TSPAN32: variants seen among roughly 807,000 people sequenced by gnomAD.
The protein encoded by TSPAN32 is tetraspanin-32.
A neutral mutation model predicts 42.7 loss-of-function variants in TSPAN32; 47 were observed. That is an observed-to-expected ratio of 1.10 (90% CI 0.87 to 1.40). The LOEUF (loss-of-function observed/expected upper bound fraction) is 1.40, where lower values mean the gene tolerates loss of function less well. Among genes scored for constraint, TSPAN32 ranks in the 40% most tolerant of loss-of-function variants. The pLI is 0.00. For missense variants in TSPAN32, 469 were observed against 424.1 expected, an observed-to-expected ratio of 1.11 and a Z score of -0.93; for synonymous variants, 175 against 175.9, an observed-to-expected ratio of 0.99 and a Z score of 0.04.
intron 3 of TSPAN32, among the ~76,000 whole-genome samples, chr11:2,307,296 G>A (rs1236487956): frequency 3.3e-5 from 5 of 152,188 alleles, no homozygotes; most frequent in Non-Finnish European, 7.4e-5. Flanking sequence ...GTGGGTCTCC[G>A]TCTATCCCAC....
chr11:2,303,166 G>A, intron 2 of TSPAN32: 2 of 567,934 alleles, frequency 3.5e-6, no homozygotes, highest in South Asian at 4.1e-5. Flanking sequence ...TTCCTGCCTG[G>A]TTCTCGTGCC....
chr11:2,312,776 C>G (rs1227688055), intron 4 of TSPAN32, among the ~76,000 whole-genome samples: 1 of 152,180 alleles, frequency 6.6e-6, no homozygotes, highest in Non-Finnish European at 1.5e-5. Context: ...CTGCTGAGCA[C>G]CCCCTTCATG....
intron 4 of TSPAN32, chr11:2,309,323 C>T (rs528240845): frequency 1.0e-4 from 48 of 470,252 alleles, no homozygotes; most frequent in South Asian, 7.4e-4. Context: ...CGGAACAGCA[C>T]CCATCCTTCC....
chr11:2,302,732 T>C, intron 1 of TSPAN32, 112 bp from the exon 2 acceptor site: 1 of 825,180 alleles, frequency 1.2e-6, no homozygotes, highest in South Asian at 1.6e-5. Context: ...GCTGAGCCTG[T>C]CTCTCACGGG....
intron 6 of TSPAN32, 114 bp from the exon 7 acceptor site, chr11:2,316,115 G>C (rs568292959): frequency 3.0e-5 from 45 of 1,524,150 alleles, no homozygotes; most frequent in Non-Finnish European, 3.9e-5. Flanking sequence ...CCGCCGCCCT[G>C]CTGCCCTGGC....
intron 4 of TSPAN32, among the ~76,000 whole-genome samples, chr11:2,310,526 C>T (rs1258681233): frequency 6.6e-6 from 1 of 152,222 alleles, no homozygotes; most frequent in Non-Finnish European, 1.5e-5. Context: ...TGGTCCCCAT[C>T]TGCCCCTCCC....
intron 5 of TSPAN32, among the ~76,000 whole-genome samples, chr11:2,314,134 G>A (rs1848637525): frequency 6.8e-6 from 1 of 147,440 alleles, no homozygotes; most frequent in African/African-American, 2.5e-5. Flanking sequence ...ACCAGCCTGA[G>A]CAACATAGGG....
chr11:2,314,162 T>TAAAAAAAAAAA, intron 5 of TSPAN32, among the ~76,000 whole-genome samples: 1 of 137,690 alleles, frequency 7.3e-6, no homozygotes, highest in East Asian at 2.1e-4. Context: ...GTCTCTACTT[T>TAAAAAAAAAAA]AAAAAAAAAA....
chr11:2,310,641 TG>T (rs1033003288), intron 4 of TSPAN32, among the ~76,000 whole-genome samples: 5 of 152,230 alleles, frequency 3.3e-5, no homozygotes, highest in African/African-American at 1.2e-4. Context: ...GGGCCGCCCT[TG>T]GGCAAGCCAC....
In TSPAN32 at chr11:2,302,068, G is replaced by A. The variant is rs1330531364; in HGVS notation, c.-82G>A. The stretch of plus-strand genomic sequence containing the variant: ...GGATGCAGCCTACCTCCTGGGCAGT[G>A]AGCTGCGGTCTGAGGCCCCTGCCCA... On this transcript the variant is annotated 5_prime_UTR_variant, in exon 1 of 10. An upstream open reading frame in the 5' UTR loses its in-frame stop. Transcript: ENST00000182290. 28 of 1,493,900 alleles carry A rather than the reference G, an allele frequency of 1.9e-5. No individual in the cohort carries two copies. The South Asian group carries it at 2.5e-4, about 13-fold the overall frequency. The allele number at this position is 1,493,900 out of a possible 1,614,324, so 92.5% of individuals were successfully genotyped here.
In TSPAN32 at chr11:2,317,750, G is replaced by A; in HGVS notation, c.902-113G>A. ...CCAGGGCAGACTGCAAGACACTGGT[G>A]GCCCACGGCCTGGAGGGCTCCACCC... On this transcript the variant is annotated intron_variant, in intron 9 of 9. Coordinates refer to ENST00000182290, the MANE Select transcript of TSPAN32 (RefSeq NM_139022.3). This position sits in a 1 kb window ranked among gnomAD's most constrained non-coding sequence, Gnocchi z 6.2. 1 of 1,526,744 alleles carries A rather than the reference G, an allele frequency of 6.5e-7. No individual in the cohort carries two copies. 94.6% of individuals were successfully genotyped at this position (1,526,744 alleles called of 1,614,324 possible).
At chr11:2,311,552 C>T (rs1037294275) in intron 4 of TSPAN32, among the ~76,000 whole-genome samples, 22 of 152,284 alleles carry the variant, frequency 1.4e-4, no homozygotes, top group African/African-American at 4.3e-4. Flanking sequence ...CTCCAGCCGC[C>T]GAGTGGGCTC....
chr11:2,311,455 T>C (rs1417791059), intron 4 of TSPAN32, among the ~76,000 whole-genome samples: 1 of 152,172 alleles, frequency 6.6e-6, no homozygotes, highest in Non-Finnish European at 1.5e-5. Context: ...TCGGGAATAA[T>C]TCATGCTCAA....
intron 3 of TSPAN32, among the ~76,000 whole-genome samples, chr11:2,305,446 A>G (rs1474194529): frequency 6.6e-6 from 1 of 151,714 alleles, no homozygotes; most frequent in Non-Finnish European, 1.5e-5. Context: ...GGGCCAGGCC[A>G]AGGGGTCCAG....
chr11:2,315,716 TC>T (rs1402743341), intron 6 of TSPAN32: 3 of 1,210,876 alleles, frequency 2.5e-6, no homozygotes, highest in Non-Finnish European at 3.2e-6. Context: ...ACCTCCCTTT[TC>T]TGAAAAGATG....
In TSPAN32 at chr11:2,305,379, C is replaced by G. The variant is rs544144686; in HGVS notation, c.279+1175C>G. Among the ~76,000 whole-genome samples, 10 of 139,438 alleles carry G rather than the reference C, an allele frequency of 7.2e-5. No homozygotes were observed. In the East Asian group the frequency reaches 1.1e-3, roughly 15 times the overall value. The allele number at this position is 139,438 out of a possible 152,430, so 91.5% of individuals were successfully genotyped here. Reference sequence around the variant, plus strand: ...ACAAGGCAGGTAGTCTGCCCCCCCCCCCAGAGGGTGTGTGGCCTGCAAAGG... The same window carrying G: ...ACAAGGCAGGTAGTCTGCCCCCCCCGCCAGAGGGTGTGTGGCCTGCAAAGG... On this transcript the variant is annotated intron_variant, in intron 3 of 9. Coordinates refer to ENST00000182290, the MANE Select transcript of TSPAN32 (RefSeq NM_139022.3).
intron 2 of TSPAN32, 123 bp downstream of exon 2, chr11:2,303,081 G>A (rs1035692987): frequency 1.1e-6 from 1 of 893,146 alleles, no homozygotes; most frequent in Non-Finnish European, 1.7e-6. Context: ...GCCAGAGGTG[G>A]TCAGGGGCAG....
chr11:2,308,751 TC>T lies in TSPAN32; in HGVS notation c.298del (p.Leu100TrpfsTer36). On this transcript the variant is annotated frameshift_variant, in exon 4 of 10. Transcript: ENST00000182290. LOFTEE classifies it high-confidence loss of function. ...CTGCCCCCAGGGCTTCCTGTGCTTCTCCCTGGCGTTCTGCGCACAGGTGCAG... is the reference window on the plus strand; with the variant it reads ...CTGCCCCCAGGGCTTCCTGTGCTTCTCCTGGCGTTCTGCGCACAGGTGCAG... Reference protein sequence around the residue: ...GLMAGGFLCFSLAFCAQVQVV... With the variant: ...GLMAGGFLCFXLAFCAQVQVV... 1 of 1,568,850 alleles carries T rather than the reference TC, an allele frequency of 6.4e-7. No individual in the cohort carries two copies. The highest frequency in any genetic ancestry group is 8.6e-7 in the Non-Finnish European group (1 of 1,157,142).
rs1170472190 is a variant in TSPAN32, at chr11:2,309,223, G to A, written c.354+413G>A. 8 of 416,504 alleles carry A rather than the reference G, an allele frequency of 1.9e-5. No individual in the cohort carries two copies. The East Asian group carries it at 2.9e-4, about 15-fold the overall frequency. 25.8% of individuals were successfully genotyped at this position (416,504 alleles called of 1,614,324 possible). A position where few individuals can be genotyped will look rare whatever the true frequency, so the allele number is the denominator to read the frequency against. ...CAGAAAATGAGACCTGAGGGCCAGC[G>A]CTCCTGATGGCCTGGTGGGGCAGAC... On this transcript the variant is annotated intron_variant, in intron 4 of 9. Transcript: ENST00000182290.
Sources: allele counts gnomAD v4.1 joint callset (sites outside exome capture counted in the v4.1 genomes callset), GRCh38; gene constraint gnomAD v4.1.1; non-coding constraint Gnocchi (gnomAD v3.1); transcripts MANE v1.5; gene names NCBI Gene and HGNC (gene_info 2026-07-23, HGNC 2026-07-21).